CRADD: variants seen among roughly 807,000 people sequenced by gnomAD.
CRADD encodes the protein CARD and death domain containing adaptor protein, also known as death domain-containing protein CRADD.
CRADD carries 9 observed loss-of-function variants against 15.5 expected under a neutral mutation model. That is an observed-to-expected ratio of 0.58 (90% confidence interval 0.35 to 1.01). The LOEUF is 1.01. Among genes scored for constraint, CRADD ranks in the 50% least tolerant of loss-of-function variants. The pLI is 0.02. For missense variants in CRADD, 227 were observed against 250.3 expected (o/e 0.91, Z 0.63); for synonymous variants, 118 against 107.6 (o/e 1.10, Z -0.60).
At chr12:93,690,695 T>C (rs190964247) in intron 2 of CRADD, among the ~76,000 whole-genome samples, 2 of 152,320 alleles carry the variant, frequency 1.3e-5, no homozygotes, top group Admixed American at 6.5e-5. Context: ...TTGCTCAAGG[T>C]CACACAGTTT....
chr12:93,780,108 A>T (rs1174156336), intron 2 of CRADD, among the ~76,000 whole-genome samples: 1 of 152,234 alleles, frequency 6.6e-6, no homozygotes, highest in Non-Finnish European at 1.5e-5. Flanking sequence ...TCATAACAAG[A>T]AAAACAAGTA....
intron 2 of CRADD, among the ~76,000 whole-genome samples, chr12:93,690,411 G>A (rs1005271501): frequency 2.0e-5 from 3 of 152,244 alleles, no homozygotes; most frequent in African/African-American, 4.8e-5. Flanking sequence ...CAAGGCCCAG[G>A]TTGAGGGCCA....
intron 2 of CRADD, among the ~76,000 whole-genome samples, chr12:93,858,234 A>T (rs907516052): frequency 4.6e-5 from 7 of 152,208 alleles, no homozygotes; most frequent in South Asian, 2.1e-4. Context: ...TTAGGATATG[A>T]TTTTTATTCA....
At chr12:93,760,356 T>C (rs1229732105) in intron 2 of CRADD, among the ~76,000 whole-genome samples, 1 of 152,186 alleles carries the variant, frequency 6.6e-6, no homozygotes, top group East Asian at 1.9e-4. Context: ...ACATCAGCCA[T>C]GTTTTTAGGA....
intron 2 of CRADD, among the ~76,000 whole-genome samples, chr12:93,807,447 A>G (rs1957551919): frequency 6.6e-6 from 1 of 151,986 alleles, no homozygotes; most frequent in Non-Finnish European, 1.5e-5. Flanking sequence ...CAGTCCCCTT[A>G]ATTCTTTCAA....
At chr12:93,892,193 CAA>C (rs68183247) in intron 2 of CRADD, among the ~76,000 whole-genome samples, 3,208 of 152,286 alleles carry the variant, frequency 0.021, 55 homozygotes, top group South Asian at 0.046. Context: ...CCTGCAAAGC[CAA>C]AGTCAAGTGT....
At position 93,751,046 on chromosome 12, in the gene CRADD, C is replaced by T. The variant is rs907905246; in HGVS notation, c.298+71974C>T. ...GTAACTTGCCTGTGTCTACTATACT[C>T]TTTCTTGTATTGTGGAAAAAATAAA... On this transcript the variant is annotated intron_variant, in intron 2 of 2. Transcript: ENST00000332896. Among the ~76,000 whole-genome samples the T allele has an allele frequency of 6.6e-5, 10 of 152,156 alleles. No homozygotes were observed. The South Asian group carries it at 2.1e-3, about 32-fold the overall frequency.
intron 2 of CRADD, among the ~76,000 whole-genome samples, chr12:93,734,546 G>A (rs949094395): frequency 7.2e-5 from 11 of 152,086 alleles, no homozygotes. Flanking sequence ...GTAGCCAAGG[G>A]AATTTTAAAG....
intron 2 of CRADD, among the ~76,000 whole-genome samples, chr12:93,892,433 A>G (rs1381828301): frequency 6.6e-6 from 1 of 152,172 alleles, no homozygotes; most frequent in Non-Finnish European, 1.5e-5. Context: ...TGTCTGTACC[A>G]GTGTAAGGAT....
chr12:93,883,681 A>T (rs1958517707), intron 2 of CRADD, among the ~76,000 whole-genome samples: 1 of 152,038 alleles, frequency 6.6e-6, no homozygotes, highest in South Asian at 2.1e-4. Context: ...AAAAAACACC[A>T]CATTAGACTG....
At chr12:93,686,301 C>T (rs1277433044) in intron 2 of CRADD, among the ~76,000 whole-genome samples, 1 of 70,262 alleles carries the variant, frequency 1.4e-5, no homozygotes, top group African/African-American at 4.4e-5. Flanking sequence ...ACTCCATCCC[C>T]CCCAAAAAAA....
intron 2 of CRADD, among the ~76,000 whole-genome samples, chr12:93,860,959 C>T (rs1328255501): frequency 2.0e-5 from 3 of 152,188 alleles, no homozygotes; most frequent in Non-Finnish European, 4.4e-5. Context: ...CCCCTCGGAG[C>T]GCCAGGCTGC....
Position 93,792,470 on chromosome 12 carries a change from G to T in CRADD, c.299-57500G>T, listed in dbSNP as rs902620496. 3.9e-5 allele frequency among the ~76,000 whole-genome samples: 6 copies of T among 152,190 alleles called. No individual in the cohort carries two copies. In the East Asian group the frequency reaches 1.2e-3, roughly 29 times the overall value. ...TTTGGTTATATTACGGGTTAAATGG[G>T]TTTTCCTATAAAGCTAGCCACCATT... is the stretch of plus-strand genomic sequence containing the variant. On this transcript the variant is annotated intron_variant, in intron 2 of 2. Transcript: ENST00000332896.
intron 2 of CRADD, among the ~76,000 whole-genome samples, chr12:93,864,950 T>A (rs1002121): frequency 1.3e-5 from 2 of 152,074 alleles, no homozygotes; most frequent in African/African-American, 4.8e-5. Flanking sequence ...CTTAGAACAG[T>A]GTCAGGCACG....
intron 2 of CRADD, among the ~76,000 whole-genome samples, chr12:93,718,481 G>T (rs765786284): frequency 1.1e-4 from 17 of 152,096 alleles, no homozygotes; most frequent in Admixed American, 2.0e-4. Flanking sequence ...ATATGGGGAG[G>T]TAATTGACTT....
chr12:93,861,535 C>A (rs1446781498), intron 2 of CRADD, among the ~76,000 whole-genome samples: 2 of 152,324 alleles, frequency 1.3e-5, no homozygotes, highest in East Asian at 1.9e-4. Context: ...AGTGACACTT[C>A]CCCTGCCTGG....
intron 2 of CRADD, among the ~76,000 whole-genome samples, chr12:93,870,685 G>A (rs1240858267): frequency 6.6e-6 from 1 of 152,178 alleles, no homozygotes; most frequent in Non-Finnish European, 1.5e-5. Context: ...AGATGGGCAA[G>A]CCAAGAAGAC....
At chr12:93,712,431 A>G (rs777041190) in intron 2 of CRADD, among the ~76,000 whole-genome samples, 2 of 152,218 alleles carry the variant, frequency 1.3e-5, no homozygotes, top group Non-Finnish European at 2.9e-5. Flanking sequence ...CATACACAGT[A>G]GGTCCTTGAC....
At chr12:93,738,603 C>A in intron 2 of CRADD, 1 of 599,048 alleles carries the variant, frequency 1.7e-6, no homozygotes, top group Non-Finnish European at 3.0e-6. Context: ...CACACGCCAG[C>A]CCTTAATAAA....
Sources: gnomAD v4.1 joint callset for allele counts (sites outside exome capture counted in the v4.1 genomes callset) on GRCh38, gnomAD v4.1.1 for gene constraint, MANE v1.5 for transcripts, NCBI Gene and HGNC (gene_info 2026-07-23, HGNC 2026-07-21) for gene names.